The following STX8 variants were observed in gnomAD, a reference collection of about 807,000 sequenced individuals.
STX8 encodes the protein syntaxin-8.
In STX8, 23 loss-of-function variants were observed where a neutral mutation model predicts 37.5. That is an observed-to-expected ratio of 0.61 (90% confidence interval 0.44 to 0.87). STX8 has a LOEUF of 0.87. Among genes scored for constraint, STX8 ranks in the 40% least tolerant of loss-of-function variants. The probability of loss-of-function intolerance (pLI) is 0.00; values close to 1 mark genes in which losing one functional copy is unlikely to be tolerated. For synonymous variants in STX8, 115 were observed against 99.1 expected, an observed-to-expected ratio of 1.16 and a Z score of -0.95; for missense variants, 313 against 284.7, an observed-to-expected ratio of 1.10 and a Z score of -0.71.
At chr17:9,411,150 G>A (rs1252644658) in intron 6 of STX8, among the ~76,000 whole-genome samples, 8 of 152,154 alleles carry the variant, frequency 5.3e-5, no homozygotes, top group Admixed American at 5.2e-4. Flanking sequence ...TTGTACTCTT[G>A]GGATACTTAA....
chr17:9,370,577 C>T (rs1911372427), intron 7 of STX8, among the ~76,000 whole-genome samples: 1 of 152,174 alleles, frequency 6.6e-6, no homozygotes, highest in Admixed American at 6.5e-5. Flanking sequence ...AGCATTAATG[C>T]AATGTCAGCT....
chr17:9,456,911 C>T (rs9911704), intron 6 of STX8, among the ~76,000 whole-genome samples: 2 of 151,938 alleles, frequency 1.3e-5, no homozygotes, highest in Non-Finnish European at 2.9e-5. Flanking sequence ...TGCATTTTTT[C>T]ACTATTCAGC....
intron 7 of STX8, among the ~76,000 whole-genome samples, chr17:9,331,228 C>G (rs1909952610): frequency 6.6e-6 from 1 of 152,150 alleles, no homozygotes; most frequent in African/African-American, 2.4e-5. Flanking sequence ...ACATATATCA[C>G]ATAAGGACAC....
intron 3 of STX8, among the ~76,000 whole-genome samples, chr17:9,549,213 T>C: frequency 6.6e-6 from 1 of 152,182 alleles, no homozygotes; most frequent in East Asian, 1.9e-4. Context: ...AAGTATAATA[T>C]TTTTTGTAAT....
Position 9,460,673 on chromosome 17 carries a change from C to CAAAA in STX8, c.541+31152_541+31155dup, listed in dbSNP as rs751553222. Among the ~76,000 whole-genome samples the CAAAA allele has an allele frequency of 3.9e-4, 38 of 96,604 alleles. 1 individual carries two copies. Among genetic ancestry groups the CAAAA allele is most frequent in the East Asian group, 1.3e-3 (5 of 3,708 alleles). 63.4% of individuals were successfully genotyped at this position (96,604 alleles called of 152,430 possible). ...GGGAGACAAGAGTGAGACTCTGTCT[C>CAAAA]AAAAAAAAAAAAAAACAAAACAAAA... On this transcript the variant is annotated intron_variant, in intron 6 of 7. Transcript: ENST00000306357.
At chr17:9,338,257 T>G (rs1173448896) in intron 7 of STX8, among the ~76,000 whole-genome samples, 2 of 152,042 alleles carry the variant, frequency 1.3e-5, no homozygotes, top group African/African-American at 4.8e-5. Context: ...TTTCACCATG[T>G]TAGCCAGGCT....
chr17:9,263,660 GA>G (rs1907127402), intron 7 of STX8, among the ~76,000 whole-genome samples: 1 of 152,166 alleles, frequency 6.6e-6, no homozygotes, highest in African/African-American at 2.4e-5. Flanking sequence ...TTTTTGCTAT[GA>G]AAAGGAATGC....
At chr17:9,412,829 T>C (rs1317841630) in intron 6 of STX8, among the ~76,000 whole-genome samples, 1 of 152,102 alleles carries the variant, frequency 6.6e-6, no homozygotes, top group African/African-American at 2.4e-5. Context: ...AGAGTTCTGA[T>C]AGAAGATGAT....
chr17:9,397,990 A>G (rs1912465198), intron 6 of STX8, among the ~76,000 whole-genome samples: 1 of 145,624 alleles, frequency 6.9e-6, no homozygotes, highest in Non-Finnish European at 1.5e-5. Context: ...TCTGTCTCCA[A>G]AAAAAAAAAA....
chr17:9,466,095 C>T (rs1029312198), intron 6 of STX8, among the ~76,000 whole-genome samples: 4 of 151,954 alleles, frequency 2.6e-5, no homozygotes, highest in African/African-American at 7.3e-5. Context: ...CTCAGCCTCC[C>T]GAGTAGCAGG....
intron 7 of STX8, among the ~76,000 whole-genome samples, chr17:9,369,372 G>A (rs1469231900): frequency 6.6e-6 from 1 of 152,144 alleles, no homozygotes; most frequent in Non-Finnish European, 1.5e-5. Context: ...GAAAGAAGAA[G>A]TAAAAACAAT....
chr17:9,428,208 T>A (rs1453469578), intron 6 of STX8, among the ~76,000 whole-genome samples: 1 of 152,186 alleles, frequency 6.6e-6, no homozygotes, highest in Non-Finnish European at 1.5e-5. Context: ...GCAAGTCTTT[T>A]GTATTCTACT....
At chr17:9,357,396 G>GA (rs1910919554) in intron 7 of STX8, among the ~76,000 whole-genome samples, 1 of 151,596 alleles carries the variant, frequency 6.6e-6, no homozygotes, top group South Asian at 2.1e-4. Context: ...AAAATAAGAA[G>GA]AAAAAAAGAC....
chr17:9,557,552 A>T lies in STX8; in HGVS notation c.118-24T>A, dbSNP rs201122352. The T allele has an allele frequency of 6.2e-6, 10 of 1,602,750 alleles. No individual in the cohort carries two copies. In the East Asian group the frequency reaches 2.0e-4, roughly 32 times the overall value. ...AGCTGAAAAGAAAAGAACACATCCTAAGTATTCTAGTCCAGAATGTAGAAT... is the reference window on the plus strand; with the variant it reads ...AGCTGAAAAGAAAAGAACACATCCTTAGTATTCTAGTCCAGAATGTAGAAT... On this transcript the variant is annotated intron_variant, in intron 2 of 7. Coordinates refer to ENST00000306357, the MANE Select transcript of STX8 (RefSeq NM_004853.3).
intron 4 of STX8, among the ~76,000 whole-genome samples, chr17:9,513,303 A>C (rs1042021779): frequency 5.9e-5 from 7 of 119,468 alleles, no homozygotes; most frequent in Non-Finnish European, 1.2e-4. Flanking sequence ...ACATAGTGAG[A>C]CTCTATTTCC....
At chr17:9,359,550 C>A (rs1910994216) in intron 7 of STX8, among the ~76,000 whole-genome samples, 1 of 147,112 alleles carries the variant, frequency 6.8e-6, no homozygotes, top group Non-Finnish European at 1.5e-5. Context: ...CTCTGTCGCC[C>A]AGGCTGGAGT....
At chr17:9,571,489 G>GA (rs1015445277) in intron 1 of STX8, among the ~76,000 whole-genome samples, 74 of 150,418 alleles carry the variant, frequency 4.9e-4, no homozygotes, top group Non-Finnish European at 7.4e-4. Flanking sequence ...TAATTGGGTC[G>GA]GGGGGTGGCT....
chr17:9,491,708 T>C, intron 6 of STX8, 121 bp downstream of exon 6: 1 of 814,458 alleles, frequency 1.2e-6, no homozygotes, highest in Non-Finnish European at 1.9e-6. Context: ...CGTTAAACTG[T>C]AACAATCATT....
chr17:9,323,876 G>A (rs1909658214), intron 7 of STX8, among the ~76,000 whole-genome samples: 3 of 152,136 alleles, frequency 2.0e-5, no homozygotes. Flanking sequence ...AAGGGAACGA[G>A]AAGAATGGGA....
Sources: gnomAD v4.1 joint callset for allele counts (sites outside exome capture counted in the v4.1 genomes callset) on GRCh38, gnomAD v4.1.1 for gene constraint, MANE v1.5 for transcripts, NCBI Gene and HGNC (gene_info 2026-07-23, HGNC 2026-07-21) for gene names.